Variants in HPS3 observed in about 807,000 individuals in gnomAD.
HPS3 encodes BLOC-2 complex member HPS3.
A neutral mutation model predicts 110.9 loss-of-function variants in HPS3; 79 were observed. The ratio of observed to expected loss-of-function variants is 0.71; its 90% CI spans 0.59 to 0.86. The LOEUF (loss-of-function observed/expected upper bound fraction) is 0.86, where lower values mean the gene tolerates loss of function less well. HPS3 is among the 40% of genes least tolerant of loss of function. The pLI, the probability that HPS3 is intolerant of heterozygous loss-of-function variation, is 0.00. For missense variants in HPS3, 1,197 were observed against 1,206.2 expected (o/e 0.99, Z 0.11); for synonymous variants, 428 against 451.0 (o/e 0.95, Z 0.65).
intron 13 of HPS3, among the ~76,000 whole-genome samples, chr3:149,163,339 G>A (rs7636389): frequency 0.13 from 20,074 of 152,088 alleles, 1,631 homozygotes; most frequent in African/African-American, 0.23. Context: ...TGGCACTTGA[G>A]GCAGCCAGTA....
rs567188396 is a variant in HPS3 at position 149,153,494 on chromosome 3, G to C, written c.1246G>C (p.Ala416Pro). ...TAAATATGTGATTTTCCTTTACTAG[G>C]CTTGCCCACCTGTCAGTATGGATGT... Reference protein sequence around the residue: ...EDPYMDTTLKACPPVSMDVCA... With the variant: ...EDPYMDTTLKPCPPVSMDVCA... Residue 416 changes from alanine to proline, a missense_variant and splice_region_variant, in exon 7 of 17, where the codon GCT becomes CCT. Transcript: ENST00000296051. 66 of 1,613,200 alleles carry C rather than the reference G, an allele frequency of 4.1e-5. No homozygotes were observed. The highest frequency in any genetic ancestry group is 1.8e-4 in the South Asian group (16 of 91,048).
At position 149,151,814 on chromosome 3, in the gene HPS3, C is replaced by T. The variant is rs377628911; in HGVS notation, c.1245+1134C>T. On this transcript the variant is annotated intron_variant, in intron 6 of 16. Transcript: ENST00000296051. The stretch of plus-strand genomic sequence containing the variant: ...TGCAAGAAGCTCCCAAATTATCATG[C>T]TCTGTGTTTCAAAAATTGGTTTATA... 7.2e-5 allele frequency among the ~76,000 whole-genome samples: 11 copies of T among 152,218 alleles called. 1 individual carries two copies. Among genetic ancestry groups the T allele is most frequent in the African/African-American group, 2.6e-4 (11 of 41,538 alleles).
chr3:149,153,052 T>C (rs575719804), intron 6 of HPS3, among the ~76,000 whole-genome samples: 2 of 152,326 alleles, frequency 1.3e-5, no homozygotes, highest in African/African-American at 2.4e-5. Context: ...AGCAGTAGAA[T>C]GTCCTTTCAT....
Position 149,162,511 on chromosome 3 carries a change from G to T in HPS3, c.2292+178G>T, listed in dbSNP as rs1329029118. On this transcript the variant is annotated intron_variant, in intron 12 of 16. Transcript: ENST00000296051. ...GACTATATCTGTAGAAACTTTATTT[G>T]TACATCCTAGAATCTGTTTCCTTTT... The T allele has an allele frequency of 4.4e-6, 4 of 907,446 alleles. No individual in the cohort carries two copies. The South Asian group carries it at 5.7e-5, about 13-fold the overall frequency. 56.2% of individuals were successfully genotyped at this position (907,446 alleles called of 1,614,324 possible).
intron 10 of HPS3, 131 bp from the exon 11 acceptor site, chr3:149,159,915 C>T (rs1723683174): frequency 1.4e-6 from 1 of 706,074 alleles, no homozygotes. Flanking sequence ...AAAATTAAAA[C>T]ATAATACTAT....
At chr3:149,132,246 C>T (rs1282277387) in intron 1 of HPS3, among the ~76,000 whole-genome samples, 1 of 152,164 alleles carries the variant, frequency 6.6e-6, no homozygotes, top group Non-Finnish European at 1.5e-5. Flanking sequence ...AAGAAGATGC[C>T]ATCTAGGACT....
In HPS3 at chr3:149,172,318, T is replaced by TCTCACACA. The variant is rs72453449; in HGVS notation, c.*97_*98insTCACACAC. On this transcript the variant is annotated 3_prime_UTR_variant, in exon 17 of 17. Coordinates refer to ENST00000296051, the MANE Select transcript of HPS3 (RefSeq NM_032383.5). ...GTAGAGGAGTTTTTTATTTTATATA[T>TCTCACACA]CACACACACACACACACACACACAC... 0.047 allele frequency: 26,800 copies of TCTCACACA among 569,094 alleles called. 525 individuals carry two copies. Among genetic ancestry groups the TCTCACACA allele is most frequent in the South Asian group, 0.12 (7,080 of 57,268 alleles). 35.3% of individuals were successfully genotyped at this position (569,094 alleles called of 1,614,324 possible). A position where few individuals can be genotyped will look rare whatever the true frequency, so the allele number is the denominator to read the frequency against.
chr3:149,173,148 A>T lies in HPS3; in HGVS notation c.*926A>T, dbSNP rs1278869514. 2 of 152,218 alleles carry T rather than the reference A, an allele frequency of 1.3e-5. No individual in the cohort carries two copies. Among genetic ancestry groups the T allele is most frequent in the Non-Finnish European group, 2.9e-5 (2 of 68,056 alleles). The allele number at this position is 152,218 out of a possible 1,614,324, so 9.4% of individuals were successfully genotyped here. A position where few individuals can be genotyped will look rare whatever the true frequency, so the allele number is the denominator to read the frequency against. ...TCCTTACCAGGATTTAATCTATAGA[A>T]TTGTCTCTCAACTCTGCTTTTCTCC... is the stretch of plus-strand genomic sequence containing the variant. On this transcript the variant is annotated 3_prime_UTR_variant, in exon 17 of 17. Coordinates refer to ENST00000296051, the MANE Select transcript of HPS3 (RefSeq NM_032383.5).
At chr3:149,149,163 C>T (rs1240727621) in intron 5 of HPS3, among the ~76,000 whole-genome samples, 2 of 149,986 alleles carry the variant, frequency 1.3e-5, no homozygotes, top group Non-Finnish European at 3.0e-5. Flanking sequence ...CGGGGTTTCA[C>T]TGTGTTAGCC....
chr3:149,136,185 CATT>C (rs577135209), intron 1 of HPS3, among the ~76,000 whole-genome samples: 2 of 142,192 alleles, frequency 1.4e-5, no homozygotes, highest in Non-Finnish European at 3.0e-5. Context: ...TACACACACA[CATT>C]ATAATATATG....
intron 7 of HPS3, among the ~76,000 whole-genome samples, chr3:149,154,694 T>A (rs1723330201): frequency 6.6e-6 from 1 of 152,254 alleles, no homozygotes; most frequent in South Asian, 2.1e-4. Flanking sequence ...CTTCATCATA[T>A]TCTCAGCAGC....
rs373451103 is a variant in HPS3 at position 149,160,861 on chromosome 3, T to C, written c.2106+582T>C. On this transcript the variant is annotated intron_variant, in intron 11 of 16. Coordinates refer to ENST00000296051, the MANE Select transcript of HPS3 (RefSeq NM_032383.5). ...CACTTATTATTTACCAGGCCTATTC[T>C]AAGCTCCTTGCATATATCATTTAAT... Among the ~76,000 whole-genome samples, 6 of 152,362 alleles carry C rather than the reference T, an allele frequency of 3.9e-5. No individual in the cohort carries two copies. In the South Asian group the frequency reaches 1.2e-3, roughly 32 times the overall value.
chr3:149,157,865 T>A, intron 9 of HPS3, among the ~76,000 whole-genome samples: 1 of 152,246 alleles, frequency 6.6e-6, no homozygotes, highest in Admixed American at 6.5e-5. Context: ...ATATATTTTG[T>A]TAGTAAAGTT....
chr3:149,166,433 T>C (rs561730063), intron 14 of HPS3, among the ~76,000 whole-genome samples: 18 of 152,354 alleles, frequency 1.2e-4, no homozygotes, highest in Middle Eastern at 6.8e-3. Context: ...GCCATGCTCT[T>C]CCGACAGTAT....
At position 149,162,261 on chromosome 3, in the gene HPS3, G is replaced by A. The variant is rs1465298673; in HGVS notation, c.2220G>A (p.Leu740=). 1 of 1,614,008 alleles carries A rather than the reference G, an allele frequency of 6.2e-7. No homozygotes were observed. Among genetic ancestry groups the A allele is most frequent in the East Asian group, 2.2e-5 (1 of 44,862 alleles). ...ALHLKETQPG[L]LVASVLGLQK... ...ACTTGAAGGAAACTCAGCCTGGATT[G>A]CTTGTGGCTTCAGTTCTGGGCTTGC... The change falls in exon 12 of 17, where the codon TTG becomes TTA. Residue 740 remains leucine, a synonymous_variant. Coordinates refer to ENST00000296051, the MANE Select transcript of HPS3 (RefSeq NM_032383.5).
chr3:149,155,759 T>C lies in HPS3; in HGVS notation c.1509+544T>C, dbSNP rs947434017. On this transcript the variant is annotated intron_variant, in intron 8 of 16. Coordinates refer to ENST00000296051, the MANE Select transcript of HPS3 (RefSeq NM_032383.5). ...AAACAATTTCAAACTTACAGAAAAGTTGCAAGAATAAGTATATTCTTCCCA... is the reference window on the plus strand; with the variant it reads ...AAACAATTTCAAACTTACAGAAAAGCTGCAAGAATAAGTATATTCTTCCCA... 2.6e-5 allele frequency among the ~76,000 whole-genome samples: 4 copies of C among 152,152 alleles called. No homozygotes were observed. In the South Asian group the frequency reaches 8.3e-4, roughly 32 times the overall value.
chr3:149,143,617 G>C (rs1189983527), intron 4 of HPS3, among the ~76,000 whole-genome samples: 1 of 152,188 alleles, frequency 6.6e-6, no homozygotes, highest in African/African-American at 2.4e-5. Context: ...ATATGTATTT[G>C]AGCTGGGCCG....
chr3:149,147,005 A>G (rs1722816540), intron 5 of HPS3, among the ~76,000 whole-genome samples: 1 of 152,190 alleles, frequency 6.6e-6, no homozygotes, highest in Non-Finnish European at 1.5e-5. Flanking sequence ...AGTTCAGGCA[A>G]GGATATTAAG....
At chr3:149,153,967 G>T in intron 7 of HPS3, 4 of 307,900 alleles carry the variant, frequency 1.3e-5, no homozygotes, top group South Asian at 8.5e-5. Context: ...TGAAACTACA[G>T]GACTTTTTAC....
Sources: allele counts gnomAD v4.1 joint callset (sites outside exome capture counted in the v4.1 genomes callset), GRCh38; gene constraint gnomAD v4.1.1; transcripts MANE v1.5; gene names NCBI Gene and HGNC (gene_info 2026-07-23, HGNC 2026-07-21).